CNIH3: variants seen among roughly 807,000 people sequenced by gnomAD.
CNIH3 encodes the protein protein cornichon homolog 3.
CNIH3 carries 14 observed loss-of-function variants against 24.1 expected under a neutral mutation model. That is an observed-to-expected ratio of 0.58 (90% confidence interval 0.38 to 0.91). The LOEUF (loss-of-function observed/expected upper bound fraction) is 0.91. Ranked by LOEUF, CNIH3 falls within the 40% of genes least tolerant of loss-of-function variation. The probability of loss-of-function intolerance (pLI) is 0.00; values close to 1 mark genes in which losing one functional copy is unlikely to be tolerated. For synonymous variants in CNIH3, 68 were observed against 73.8 expected (o/e 0.92, Z 0.40); for missense variants, 178 against 196.8 (o/e 0.90, Z 0.57).
intron 2 of CNIH3, among the ~76,000 whole-genome samples, chr1:224,530,686 G>C (rs1287930432): frequency 1.3e-5 from 2 of 151,512 alleles, no homozygotes; most frequent in Non-Finnish European, 2.9e-5. Context: ...TGCAACCTCT[G>C]CCTCCTGGGT....
chr1:224,452,781 C>CA (rs1173499027), intron 1 of CNIH3, among the ~76,000 whole-genome samples: 12,357 of 43,342 alleles, frequency 0.29, 1,275 homozygotes, highest in Non-Finnish European at 0.33. Context: ...AACTCTGTCT[C>CA]AAAAAAAAAA....
chr1:224,491,705 A>G (rs1677243571), intron 1 of CNIH3, among the ~76,000 whole-genome samples: 1 of 152,050 alleles, frequency 6.6e-6, no homozygotes, highest in East Asian at 1.9e-4. Flanking sequence ...TCCCGGGTTC[A>G]AGCAATTCTC....
chr1:224,501,896 C>T (rs1029903558), intron 1 of CNIH3, among the ~76,000 whole-genome samples: 28 of 151,980 alleles, frequency 1.8e-4, no homozygotes, highest in African/African-American at 5.6e-4. Context: ...TTGTTTGTGA[C>T]CAGCTACTTT....
At position 224,684,737 on chromosome 1, in the gene CNIH3, T is replaced by G; in HGVS notation, c.151-59T>G. 1 of 1,501,974 alleles carries G rather than the reference T, an allele frequency of 6.7e-7. No homozygotes were observed. Among genetic ancestry groups the G allele is most frequent in the South Asian group, 1.1e-5 (1 of 88,878 alleles). The allele number at this position is 1,501,974 out of a possible 1,614,324, so 93.0% of individuals were successfully genotyped here. A position where few individuals can be genotyped will look rare whatever the true frequency, so the allele number is the denominator to read the frequency against. On this transcript the variant is annotated intron_variant, in intron 2 of 5. Transcript: ENST00000272133. This position sits in a 1 kb window ranked among gnomAD's most constrained non-coding sequence, Gnocchi z 4.2. The stretch of plus-strand genomic sequence containing the variant: ...TGGGGCTGATTGCGGGGCCTTCTCA[T>G]GCTATTTTAGCAGAACCCCTAACCT...
chr1:224,692,930 G>A (rs1284502350), intron 3 of CNIH3, among the ~76,000 whole-genome samples: 1 of 152,202 alleles, frequency 6.6e-6, no homozygotes, highest in East Asian at 1.9e-4. Context: ...GGGCCTCAGG[G>A]AGCCTGTAAG....
At chr1:224,454,395 A>G (rs1268732579) in intron 1 of CNIH3, 2 of 835,088 alleles carry the variant, frequency 2.4e-6, no homozygotes, top group East Asian at 2.4e-4. Context: ...TTGAAATGTC[A>G]TAAACCATCC....
At chr1:224,535,281 A>T (rs981416730) in intron 2 of CNIH3, among the ~76,000 whole-genome samples, 1 of 152,234 alleles carries the variant, frequency 6.6e-6, no homozygotes, top group African/African-American at 2.4e-5. Context: ...GGAGGGCTGC[A>T]GCTGCAGCCA....
chr1:224,637,808 C>T lies in CNIH3; in HGVS notation c.81+20553C>T, dbSNP rs549812466. Among the ~76,000 whole-genome samples, 28 of 152,290 alleles carry T rather than the reference C, an allele frequency of 1.8e-4. No individual in the cohort carries two copies. The South Asian group carries it at 5.6e-3, about 30-fold the overall frequency. ...TCTTCTTGGGTGGCCTCTTGAGGCC[C>T]TTTCTATCCTCTCAGTGATCCCTTG... On this transcript the variant is annotated intron_variant, in intron 1 of 5. Transcript: ENST00000272133.
intron 1 of CNIH3, among the ~76,000 whole-genome samples, chr1:224,638,731 C>A (rs114141750): frequency 6.6e-6 from 1 of 152,318 alleles, no homozygotes; most frequent in South Asian, 2.1e-4. Context: ...GCACTGGCCA[C>A]GGGATCTCTC....
chr1:224,455,103 C>T (rs534191920), intron 1 of CNIH3, among the ~76,000 whole-genome samples: 2 of 152,234 alleles, frequency 1.3e-5, no homozygotes, highest in South Asian at 2.1e-4. Flanking sequence ...ACTACAGTAG[C>T]CTACAGTTGG....
intron 4 of CNIH3, chr1:224,574,598 G>A: frequency 1.2e-6 from 1 of 807,434 alleles, no homozygotes; most frequent in Admixed American, 1.7e-5. Context: ...AGAATGACGT[G>A]GGGGTGGCCA....
chr1:224,617,316 C>T, intron 1 of CNIH3, 61 bp downstream of exon 1: 1 of 1,574,964 alleles, frequency 6.3e-7, no homozygotes, highest in Non-Finnish European at 8.7e-7. Context: ...TCCCCGATTT[C>T]ACCCCACTTT....
intron 1 of CNIH3, among the ~76,000 whole-genome samples, chr1:224,667,692 G>A (rs1412468499): frequency 2.6e-5 from 4 of 151,916 alleles, no homozygotes; most frequent in Admixed American, 6.6e-5. Context: ...CAGAGAATCC[G>A]CGGCTCTGCT....
At chr1:224,643,839 C>T (rs1438782421) in intron 1 of CNIH3, among the ~76,000 whole-genome samples, 5 of 152,220 alleles carry the variant, frequency 3.3e-5, no homozygotes, top group Non-Finnish European at 7.3e-5. Context: ...ACTTCTGAGG[C>T]TCCACCCCAT....
intron 3 of CNIH3, 109 bp from the exon 4 acceptor site, chr1:224,730,353 G>T: frequency 2.9e-6 from 2 of 688,036 alleles, no homozygotes; most frequent in Non-Finnish European, 2.6e-6. Flanking sequence ...GAGGGCCTTT[G>T]TGTCAACCGT....
At chr1:224,688,113 C>T (rs989893615) in intron 3 of CNIH3, among the ~76,000 whole-genome samples, 1 of 152,108 alleles carries the variant, frequency 6.6e-6, no homozygotes. Flanking sequence ...CAGTAAGCGG[C>T]TATAAGGAGA....
intron 3 of CNIH3, among the ~76,000 whole-genome samples, chr1:224,562,066 G>A (rs1680397066): frequency 6.6e-6 from 1 of 152,132 alleles, no homozygotes; most frequent in African/African-American, 2.4e-5. Context: ...TCATTTGAGG[G>A]AAATATAATG....
At chr1:224,640,996 C>T (rs574934444) in intron 1 of CNIH3, among the ~76,000 whole-genome samples, 27 of 152,172 alleles carry the variant, frequency 1.8e-4, no homozygotes, top group Admixed American at 3.9e-4. Flanking sequence ...AAGATTATAC[C>T]GTATTCTTTT....
At chr1:224,606,925 C>T (rs963633937) in intron 3 of CNIH3, among the ~76,000 whole-genome samples, 1 of 152,140 alleles carries the variant, frequency 6.6e-6, no homozygotes, top group African/African-American at 2.4e-5. Context: ...CCAGTGAAGG[C>T]TGATACTGAA....
Sources: allele counts gnomAD v4.1 joint callset (sites outside exome capture counted in the v4.1 genomes callset), GRCh38; gene constraint gnomAD v4.1.1; non-coding constraint Gnocchi (gnomAD v3.1); transcripts MANE v1.5; gene names NCBI Gene and HGNC (gene_info 2026-07-23, HGNC 2026-07-21).